KIF25: variants seen among roughly 807,000 people sequenced by gnomAD.
The protein encoded by KIF25 is kinesin family member 25.
KIF25 carries 19 observed loss-of-function variants against 32.9 expected under a neutral mutation model. The ratio of observed to expected loss-of-function variants is 0.58; its 90% confidence interval spans 0.40 to 0.85. KIF25 has a LOEUF of 0.85. Among genes scored for constraint, KIF25 ranks in the 40% least tolerant of loss-of-function variants. The pLI is 0.00. For synonymous variants in KIF25, 225 were observed against 213.7 expected, an observed-to-expected ratio of 1.05 and a Z score of -0.46; for missense variants, 485 against 507.0, an observed-to-expected ratio of 0.96 and a Z score of 0.42.
At chr6:168,020,026 G>T (rs1344984472) in intron 5 of KIF25, among the ~76,000 whole-genome samples, 2 of 152,118 alleles carry the variant, frequency 1.3e-5, no homozygotes, top group African/African-American at 4.8e-5. Context: ...CGCTGCTTGG[G>T]AGGCTGAGGC....
intron 2 of KIF25, among the ~76,000 whole-genome samples, chr6:168,000,926 C>A (rs1213916774): frequency 6.6e-6 from 1 of 152,252 alleles, no homozygotes; most frequent in East Asian, 1.9e-4. Context: ...CAGTTTAGCA[C>A]CTGACTTGAG....
chr6:168,040,303 C>T lies in KIF25; in HGVS notation c.646+87C>T, dbSNP rs560388169. On this transcript the variant is annotated intron_variant, in intron 10 of 12. Transcript: ENST00000643607. ...AAATCAGGCCAGGCACAGTGGCTCA[C>T]GCCTGTAATCCCAGCACTTTGGGAG... is the stretch of plus-strand genomic sequence containing the variant. 3.2e-4 allele frequency: 432 copies of T among 1,335,004 alleles called. 1 individual carries two copies. The highest frequency in any genetic ancestry group is 1.4e-4 in the Non-Finnish European group (134 of 990,828). 82.7% of individuals were successfully genotyped at this position (1,335,004 alleles called of 1,614,324 possible).
intron 7 of KIF25, among the ~76,000 whole-genome samples, chr6:168,032,253 A>G (rs577363067): frequency 6.6e-6 from 1 of 152,356 alleles, no homozygotes; most frequent in South Asian, 2.1e-4. Flanking sequence ...GTCCATTCAG[A>G]TGGCTGGGGG....
At chr6:168,016,594 G>A (rs1421928982) in intron 4 of KIF25, among the ~76,000 whole-genome samples, 1 of 152,234 alleles carries the variant, frequency 6.6e-6, no homozygotes, top group Admixed American at 6.5e-5. Flanking sequence ...TTTTAAACAA[G>A]GACCCAAGCG....
At chr6:168,006,562 C>A (rs749011384) in intron 4 of KIF25, among the ~76,000 whole-genome samples, 1 of 152,142 alleles carries the variant, frequency 6.6e-6, no homozygotes, top group Non-Finnish European at 1.5e-5. Flanking sequence ...TTTCTGTGTA[C>A]GTTACAAAGT....
At chr6:168,023,367 G>A (rs913383242) in intron 5 of KIF25, among the ~76,000 whole-genome samples, 3 of 150,232 alleles carry the variant, frequency 2.0e-5, no homozygotes, top group South Asian at 2.1e-4. Flanking sequence ...TTCTGGGTTC[G>A]AGCGATTCTC....
chr6:168,031,230 G>A (rs1457934294), intron 7 of KIF25, among the ~76,000 whole-genome samples: 1 of 152,170 alleles, frequency 6.6e-6, no homozygotes, highest in Admixed American at 6.5e-5. Flanking sequence ...TTTCCCTTTG[G>A]GAATCAGCCT....
chr6:168,043,865 C>T (rs139873778), intron 12 of KIF25, among the ~76,000 whole-genome samples: 9 of 152,328 alleles, frequency 5.9e-5, no homozygotes, highest in Non-Finnish European at 1.0e-4. Context: ...ACCCTCGTTA[C>T]GGGTCCTGAA....
intron 10 of KIF25, among the ~76,000 whole-genome samples, chr6:168,040,564 T>TAAAA (rs552500284): frequency 9.6e-5 from 14 of 146,054 alleles, no homozygotes; most frequent in African/African-American, 3.5e-4. Context: ...AAAACTCTGT[T>TAAAA]AAAAAAAAAA....
intron 4 of KIF25, among the ~76,000 whole-genome samples, chr6:168,016,897 G>A (rs1352350279): frequency 6.6e-6 from 1 of 152,228 alleles, no homozygotes; most frequent in African/African-American, 2.4e-5. Context: ...CAGGCAGCGC[G>A]GGGCTGAGGC....
intron 10 of KIF25, 25 bp from the exon 11 acceptor site, chr6:168,041,944 C>T (rs1799125273): frequency 6.5e-7 from 1 of 1,548,678 alleles, no homozygotes; most frequent in Non-Finnish European, 8.7e-7. Flanking sequence ...TGTTTTCCTC[C>T]TCGTCGCTCC....
chr6:168,035,157 G>A (rs930278198), intron 8 of KIF25, among the ~76,000 whole-genome samples: 5 of 151,780 alleles, frequency 3.3e-5, no homozygotes, highest in Non-Finnish European at 5.9e-5. Flanking sequence ...AAGACCCCCC[G>A]CCGCGTCTCT....
intron 8 of KIF25, among the ~76,000 whole-genome samples, chr6:168,034,574 G>A (rs778091972): frequency 1.2e-4 from 19 of 152,134 alleles, no homozygotes; most frequent in Admixed American, 1.1e-3. Flanking sequence ...AAAACTTCTT[G>A]AAAGAGATCC....
At position 168,033,847 on chromosome 6, in the gene KIF25, G is replaced by C. The variant is rs539882832; in HGVS notation, c.168-35G>C. On this transcript the variant is annotated intron_variant, in intron 7 of 12. Coordinates refer to ENST00000643607, the MANE Select transcript of KIF25 (RefSeq NM_030615.4). ...CCTGGAATCTTCTTGGCACCCACGT[G>C]TGTTTTGCTGGACTGAATCTGCTCT... is the stretch of plus-strand genomic sequence containing the variant. The C allele has an allele frequency of 4.8e-5, 76 of 1,589,142 alleles. No homozygotes were observed. The South Asian group carries it at 7.4e-4, about 16-fold the overall frequency.
chr6:168,019,714 A>C (rs1480950479), intron 5 of KIF25, among the ~76,000 whole-genome samples: 1 of 152,208 alleles, frequency 6.6e-6, no homozygotes, highest in Admixed American at 6.5e-5. Flanking sequence ...TACCACAATT[A>C]AAAAGGAAGT....
chr6:168,009,796 T>A (rs2636357), intron 4 of KIF25, among the ~76,000 whole-genome samples: 4 of 151,898 alleles, frequency 2.6e-5, no homozygotes, highest in African/African-American at 7.2e-5. Flanking sequence ...TTGTTCAATC[T>A]TGGTAGATTA....
intron 4 of KIF25, among the ~76,000 whole-genome samples, chr6:168,009,856 C>T (rs903242593): frequency 6.6e-6 from 1 of 151,880 alleles, no homozygotes; most frequent in Non-Finnish European, 1.5e-5. Context: ...AATTTATTGG[C>T]ATATGGTTGT....
At chr6:168,028,954 T>C (rs1020442981) in intron 5 of KIF25, among the ~76,000 whole-genome samples, 3 of 152,246 alleles carry the variant, frequency 2.0e-5, no homozygotes, top group African/African-American at 7.2e-5. Context: ...TTTGTTAAAT[T>C]ATTTTACTGA....
At chr6:168,034,597 T>C (rs1798989967) in intron 8 of KIF25, among the ~76,000 whole-genome samples, 1 of 152,094 alleles carries the variant, frequency 6.6e-6, no homozygotes, top group African/African-American at 2.4e-5. Context: ...AGTTACAGGG[T>C]TCCTTAGGCA....
Sources: gnomAD v4.1 joint callset for allele counts (sites outside exome capture counted in the v4.1 genomes callset) on GRCh38, gnomAD v4.1.1 for gene constraint, MANE v1.5 for transcripts, NCBI Gene and HGNC (gene_info 2026-07-23, HGNC 2026-07-21) for gene names.